The following APOOL variants were observed in gnomAD, a reference collection of about 807,000 sequenced individuals.
The protein encoded by APOOL is MICOS complex subunit MIC27.
In APOOL, 12 loss-of-function variants were observed where a neutral mutation model predicts 23.1. The observed-to-expected ratio is 0.52, with a 90% CI of 0.33 to 0.84. The LOEUF (loss-of-function observed/expected upper bound fraction) is 0.84, where lower values mean the gene tolerates loss of function less well. Among genes scored for constraint, APOOL ranks in the 40% least tolerant of loss-of-function variants. The pLI is 0.02. For synonymous variants in APOOL, 77 were observed against 69.9 expected, an observed-to-expected ratio of 1.10 and a Z score of -0.51; for missense variants, 212 against 199.6, an observed-to-expected ratio of 1.06 and a Z score of -0.37.
At chrX:85,068,703 G>T (rs1377384680) in intron 6 of APOOL, among the ~76,000 whole-genome samples, 1 of 111,303 alleles carries the variant, frequency 9.0e-6, no homozygotes, top group African/African-American at 3.3e-5. Context: ...ACCGTGCCCG[G>T]CCCTGATTCT....
At chrX:85,029,776 A>G (rs1921970377) in intron 1 of APOOL, among the ~76,000 whole-genome samples, 1 of 112,136 alleles carries the variant, frequency 8.9e-6, no homozygotes, top group Admixed American at 9.4e-5. Flanking sequence ...CAACATCACT[A>G]ATCATCAGGG....
At position 85,087,277 on chromosome X, in the gene APOOL, C is replaced by G. The variant is rs759124958; in HGVS notation, c.719-313C>G. ...CCTGGAAGGCATTGCCTGCTGGTAT[C>G]TATAGGGTGCACACCCTCACCTCCT... On this transcript the variant is annotated intron_variant, in intron 8 of 8. Coordinates refer to ENST00000373173, the MANE Select transcript of APOOL (RefSeq NM_198450.6). Among the ~76,000 whole-genome samples the G allele has an allele frequency of 3.6e-4, 40 of 111,206 alleles. 1 individual carries two copies. Among genetic ancestry groups the G allele is most frequent in the African/African-American group, 1.2e-3 (38 of 30,601 alleles).
chrX:85,065,195 T>C (rs1167696714), intron 5 of APOOL, among the ~76,000 whole-genome samples: 1 of 111,616 alleles, frequency 9.0e-6, no homozygotes, highest in Non-Finnish European at 1.9e-5. Context: ...ACACTAGGAT[T>C]GCAACCTCTG....
intron 1 of APOOL, among the ~76,000 whole-genome samples, chrX:85,034,165 A>G (rs978478375): frequency 1.9e-5 from 2 of 106,880 alleles, no homozygotes; most frequent in African/African-American, 7.4e-5. Context: ...CACACAATAT[A>G]TATTTTCTAA....
chrX:85,049,643 G>A (rs1359498913), intron 2 of APOOL, among the ~76,000 whole-genome samples: 3 of 109,951 alleles, frequency 2.7e-5, no homozygotes. Flanking sequence ...AAAATTAGCC[G>A]GGTTTGTTGG....
intron 5 of APOOL, among the ~76,000 whole-genome samples, chrX:85,064,173 G>A (rs966693564): frequency 9.1e-6 from 1 of 110,489 alleles, no homozygotes; most frequent in African/African-American, 3.3e-5. Context: ...AGTGTTTATA[G>A]TATTCTCTGA....
intron 1 of APOOL, among the ~76,000 whole-genome samples, chrX:85,005,013 C>T: frequency 9.0e-6 from 1 of 111,060 alleles, no homozygotes; most frequent in South Asian, 3.8e-4. Flanking sequence ...GTGCCTTTTC[C>T]CATGCTTATC....
chrX:85,086,366 A>G (rs1924289962), intron 8 of APOOL, among the ~76,000 whole-genome samples: 1 of 111,511 alleles, frequency 9.0e-6, no homozygotes, highest in South Asian at 3.7e-4. Context: ...TTAGTAAGCA[A>G]TTCAAATTTA....
intron 1 of APOOL, among the ~76,000 whole-genome samples, chrX:85,040,255 G>C (rs1964993697): frequency 8.9e-6 from 1 of 111,959 alleles, no homozygotes; most frequent in African/African-American, 3.2e-5. Context: ...TAGCATTTCT[G>C]CTGGAAGGCC....
intron 1 of APOOL, among the ~76,000 whole-genome samples, chrX:85,028,516 ATT>A (rs1835605569): frequency 3.6e-5 from 4 of 111,584 alleles, no homozygotes; most frequent in African/African-American, 1.3e-4. Context: ...TCCCTCAAGC[ATT>A]TATCCTCTGA....
intron 1 of APOOL, among the ~76,000 whole-genome samples, chrX:85,007,650 C>T (rs61406797): frequency 0.051 from 5,686 of 110,729 alleles, 347 homozygotes; most frequent in African/African-American, 0.17. Context: ...CTTCTGGAAT[C>T]GGGGAATTCC....
In APOOL at chrX:85,004,088, C is replaced by T. The variant is rs760665345; in HGVS notation, c.15+161C>T. On this transcript the variant is annotated intron_variant, in intron 1 of 8. Coordinates refer to ENST00000373173, the MANE Select transcript of APOOL (RefSeq NM_198450.6). ...CTTTATCGTTTGAAGCCTCAAGACA[C>T]CTGCCTTTCCCCATTAGGGTTTTAT... Among the ~76,000 whole-genome samples the T allele has an allele frequency of 1.6e-4, 18 of 111,409 alleles. No homozygotes were observed. In the Admixed American group the frequency reaches 1.7e-3, roughly 11 times the overall value.
intron 8 of APOOL, among the ~76,000 whole-genome samples, chrX:85,078,285 T>C (rs1303379776): frequency 8.9e-6 from 1 of 112,018 alleles, no homozygotes; most frequent in Non-Finnish European, 1.9e-5. Context: ...AAGGAAGGGA[T>C]CCAGTTTCAG....
rs769749228 is a variant in APOOL at position 85,019,010 on chromosome X, C to T, written c.15+15083C>T. Among the ~76,000 whole-genome samples, 9 of 110,780 alleles carry T rather than the reference C, an allele frequency of 8.1e-5. 1 individual carries two copies. The South Asian group carries it at 3.5e-3, about 43-fold the overall frequency. On this transcript the variant is annotated intron_variant, in intron 1 of 8. Transcript: ENST00000373173. ...TGTGGTGGCTATAGTGGCTAGGGCTCTTGTGGTCTTTGGTCGTGGTGGCTG... is the reference window on the plus strand; with the variant it reads ...TGTGGTGGCTATAGTGGCTAGGGCTTTTGTGGTCTTTGGTCGTGGTGGCTG...
At chrX:85,005,184 C>T (rs181967234) in intron 1 of APOOL, among the ~76,000 whole-genome samples, 1,851 of 110,468 alleles carry the variant, frequency 0.017, 17 homozygotes, top group Non-Finnish European at 0.026. Context: ...CTCTCTGTCT[C>T]CCAGGCTTGA....
intron 1 of APOOL, among the ~76,000 whole-genome samples, chrX:85,045,842 A>G (rs1248207054): frequency 8.9e-6 from 1 of 111,859 alleles, no homozygotes; most frequent in African/African-American, 3.2e-5. Flanking sequence ...GAAAGAATTC[A>G]TTTTTTATGG....
In APOOL at chrX:85,090,570, C is replaced by T. The variant is rs897678155; in HGVS notation, c.*2892C>T. The T allele has an allele frequency of 2.7e-5, 3 of 111,270 alleles. No homozygotes were observed. The highest frequency in any genetic ancestry group is 9.8e-5 in the African/African-American group (3 of 30,593). 9.2% of individuals were successfully genotyped at this position (111,270 alleles called of 1,213,427 possible). A position where few individuals can be genotyped will look rare whatever the true frequency, so the allele number is the denominator to read the frequency against. ...CCCTTCATATCTGATTCCAGCTTACCTTCTAATCCTATCTTCCCTCTCCTT... is the reference window on the plus strand; with the variant it reads ...CCCTTCATATCTGATTCCAGCTTACTTTCTAATCCTATCTTCCCTCTCCTT... On this transcript the variant is annotated 3_prime_UTR_variant, in exon 9 of 9. Transcript: ENST00000373173.
At chrX:85,020,449 G>A (rs1256177025) in intron 1 of APOOL, among the ~76,000 whole-genome samples, 1 of 111,460 alleles carries the variant, frequency 9.0e-6, no homozygotes, top group African/African-American at 3.3e-5. Context: ...CAACAGGCTT[G>A]TCTCAGTAAA....
intron 8 of APOOL, among the ~76,000 whole-genome samples, chrX:85,079,114 C>T (rs1265321583): frequency 8.9e-6 from 1 of 111,808 alleles, no homozygotes; most frequent in African/African-American, 3.3e-5. Flanking sequence ...CTGGCCAGAA[C>T]TTCCAACACC....
Sources: gnomAD v4.1 joint callset for allele counts (sites outside exome capture counted in the v4.1 genomes callset) on GRCh38, gnomAD v4.1.1 for gene constraint, MANE v1.5 for transcripts, NCBI Gene and HGNC (gene_info 2026-07-23, HGNC 2026-07-21) for gene names.